SNAP91: variants seen among roughly 807,000 people sequenced by gnomAD.
SNAP91 encodes the protein clathrin coat assembly protein AP180.
A neutral mutation model predicts 100.3 loss-of-function variants in SNAP91; 27 were observed. The observed-to-expected ratio is 0.27, with a 90% CI of 0.20 to 0.37. The LOEUF is 0.37. Among genes scored for constraint, SNAP91 ranks in the 10% least tolerant of loss-of-function variants. The probability of loss-of-function intolerance (pLI) is 1.00; values close to 1 mark genes in which losing one functional copy is unlikely to be tolerated. For synonymous variants in SNAP91, 404 were observed against 398.6 expected (o/e 1.01, Z -0.16); for missense variants, 986 against 1,123.7 (o/e 0.88, Z 1.75).
At chr6:83,688,851 C>G (rs543224808) in intron 2 of SNAP91, among the ~76,000 whole-genome samples, 1 of 152,204 alleles carries the variant, frequency 6.6e-6, no homozygotes, top group East Asian at 1.9e-4. Context: ...CAAAACATAT[C>G]AGTCATACCA....
Position 83,593,246 on chromosome 6 carries a change from G to A in SNAP91, c.1710C>T (p.Ser570=), listed in dbSNP as rs909526839. ...TAGGCGCTGCAGCAACTTCAGGAGT[G>A]GACTCAAATAAATCTAAGACCAAGA... is the stretch of plus-strand genomic sequence containing the variant. ...ALDIFGDLFE[S]TPEVAAAPKP... The change falls in exon 19 of 30, where the codon TCC becomes TCT. Residue 570 remains serine, a synonymous_variant. Coordinates refer to ENST00000369694, the MANE Select transcript of SNAP91 (RefSeq NM_001242792.2). 4 of 1,591,986 alleles carry A rather than the reference G, an allele frequency of 2.5e-6. No individual in the cohort carries two copies. Among genetic ancestry groups the A allele is most frequent in the Non-Finnish European group, 3.4e-6 (4 of 1,168,724 alleles).
chr6:83,654,194 T>C (rs1312383324), intron 7 of SNAP91, among the ~76,000 whole-genome samples: 2 of 152,170 alleles, frequency 1.3e-5, no homozygotes, highest in African/African-American at 4.8e-5. Flanking sequence ...AGTTCAGATC[T>C]TCCTACTTCA....
At chr6:83,566,054 A>C (rs1796147639) in intron 26 of SNAP91, among the ~76,000 whole-genome samples, 1 of 152,196 alleles carries the variant, frequency 6.6e-6, no homozygotes, top group East Asian at 1.9e-4. Flanking sequence ...AGTGTTCATC[A>C]ACTGATGAAT....
chr6:83,648,183 C>T (rs2098032140), intron 7 of SNAP91, among the ~76,000 whole-genome samples: 1 of 152,138 alleles, frequency 6.6e-6, no homozygotes, highest in Non-Finnish European at 1.5e-5. Context: ...TTTGCATTTT[C>T]TAAAATTTTA....
intron 21 of SNAP91, 98 bp from the exon 22 acceptor site, chr6:83,591,392 C>A: frequency 1.3e-6 from 1 of 749,728 alleles, no homozygotes; most frequent in Non-Finnish European, 2.4e-6. Context: ...AGAGACATGA[C>A]AGTGTACAGT....
chr6:83,635,323 G>A (rs1399081684), intron 8 of SNAP91, among the ~76,000 whole-genome samples: 4 of 152,124 alleles, frequency 2.6e-5, no homozygotes, highest in African/African-American at 9.7e-5. Flanking sequence ...GTGCTCCAAT[G>A]TTGGGTGTGT....
intron 21 of SNAP91, 89 bp downstream of exon 21, chr6:83,592,365 GA>G: frequency 1.1e-6 from 1 of 915,332 alleles, no homozygotes; most frequent in Non-Finnish European, 1.6e-6. Context: ...ATAGCCTAAA[GA>G]AAAAATGATG....
intron 2 of SNAP91, among the ~76,000 whole-genome samples, chr6:83,676,127 A>G (rs2128875680): frequency 6.6e-6 from 1 of 151,440 alleles, no homozygotes; most frequent in East Asian, 1.9e-4. Flanking sequence ...AAAAAAAAAG[A>G]ATGTGACATA....
rs754865312 is a variant in SNAP91, at chr6:83,607,727, C to A, written c.994G>T (p.Ala332Ser). ...ACTGGGACAGCCGCAGATGCAGTTG[C>A]AAATAAATCAACCGGTGGGGATGTG... ...IDTSPPVDLFATASAAVPVST... is the reference protein window; with the variant it reads ...IDTSPPVDLFSTASAAVPVST... The change falls in exon 13 of 30, where the codon GCA becomes TCA. Residue 332 changes from alanine (A) to serine (S), a missense_variant. By Grantham distance (99) the Ala-to-Ser change is moderately conservative. Transcript: ENST00000369694. The A allele has an allele frequency of 6.9e-6, 11 of 1,589,726 alleles. No homozygotes were observed. The highest frequency in any genetic ancestry group is 9.4e-6 in the Non-Finnish European group (11 of 1,167,598).
intron 2 of SNAP91, 79 bp from the exon 3 acceptor site, chr6:83,665,660 C>T: frequency 8.0e-7 from 1 of 1,246,082 alleles, no homozygotes; most frequent in Non-Finnish European, 1.1e-6. Context: ...ACATATAAGC[C>T]TGTTTACTAA....
chr6:83,650,830 A>T (rs1203199855), intron 7 of SNAP91, among the ~76,000 whole-genome samples: 2 of 152,236 alleles, frequency 1.3e-5, no homozygotes, highest in Non-Finnish European at 2.9e-5. Context: ...ATTGTAAAGA[A>T]TTGGTATAAT....
intron 5 of SNAP91, among the ~76,000 whole-genome samples, chr6:83,661,209 T>G (rs189855317): frequency 2.4e-4 from 36 of 152,274 alleles, no homozygotes; most frequent in African/African-American, 7.0e-4. Context: ...AAATTTTGAG[T>G]TTTTAACAAA....
In SNAP91 at chr6:83,560,891, A is replaced by C; in HGVS notation, c.2499T>G (p.Val833=). The C allele has an allele frequency of 6.2e-7, 1 of 1,613,904 alleles. No homozygotes were observed. The highest frequency in any genetic ancestry group is 8.5e-7 in the Non-Finnish European group (1 of 1,179,842). The part of the protein sequence containing the change: ...SVPPVAGAPS[V]GQPGAGFGMP... ...TTCCAAATCCTGCTCCAGGTTGTCCAACCGATGGGGCCCCGGCAACAGGAG... is the reference window on the plus strand; with the variant it reads ...TTCCAAATCCTGCTCCAGGTTGTCCCACCGATGGGGCCCCGGCAACAGGAG... The change falls in exon 27 of 30, where the codon GTT becomes GTG. Residue 833 remains valine, a synonymous_variant. Coordinates refer to ENST00000369694, the MANE Select transcript of SNAP91 (RefSeq NM_001242792.2).
chr6:83,643,334 A>C (rs1221794566), intron 7 of SNAP91, among the ~76,000 whole-genome samples: 1 of 152,200 alleles, frequency 6.6e-6, no homozygotes, highest in African/African-American at 2.4e-5. Flanking sequence ...TCTAACATTT[A>C]AGTCTTTAAT....
chr6:83,584,125 T>C (rs944249650), intron 22 of SNAP91, among the ~76,000 whole-genome samples: 1 of 152,186 alleles, frequency 6.6e-6, no homozygotes, highest in African/African-American at 2.4e-5. Flanking sequence ...GGTGGCTGTA[T>C]TAATGTTGAT....
At chr6:83,682,065 C>A (rs186853892) in intron 2 of SNAP91, among the ~76,000 whole-genome samples, 23 of 151,914 alleles carry the variant, frequency 1.5e-4, no homozygotes, top group Admixed American at 3.9e-4. Context: ...TCTCTCCAAT[C>A]CTGGAGAAAA....
chr6:83,617,949 C>CTGACAA (rs1217470269), intron 9 of SNAP91, among the ~76,000 whole-genome samples: 5 of 151,782 alleles, frequency 3.3e-5, no homozygotes, highest in African/African-American at 1.2e-4. Context: ...ATATTTAATT[C>CTGACAA]TGACAATTCT....
intron 8 of SNAP91, among the ~76,000 whole-genome samples, chr6:83,639,498 T>C (rs1020941102): frequency 6.6e-5 from 10 of 152,196 alleles, no homozygotes; most frequent in African/African-American, 1.9e-4. Flanking sequence ...ATAAAAATAA[T>C]TTTTAAATTT....
chr6:83,571,663 T>A (rs148531132), intron 26 of SNAP91, among the ~76,000 whole-genome samples: 1 of 152,204 alleles, frequency 6.6e-6, no homozygotes, highest in African/African-American at 2.4e-5. Flanking sequence ...TTGTCTCAGA[T>A]GAGACTCTGG....
Sources: allele counts gnomAD v4.1 joint callset (sites outside exome capture counted in the v4.1 genomes callset), GRCh38; gene constraint gnomAD v4.1.1; transcripts MANE v1.5; gene names NCBI Gene and HGNC (gene_info 2026-07-23, HGNC 2026-07-21).